The following CDC5L variants were observed in gnomAD, a reference collection of about 807,000 sequenced individuals.
The protein encoded by CDC5L is cell division cycle 5-like protein.
In CDC5L, 18 loss-of-function variants were observed where a neutral mutation model predicts 104.1. The observed-to-expected ratio is 0.17, with a 90% CI of 0.12 to 0.26. CDC5L has a LOEUF of 0.26. Ranked by LOEUF, CDC5L falls within the 10% of genes least tolerant of loss-of-function variation. The pLI is 1.00. For synonymous variants in CDC5L, 331 were observed against 322.7 expected, an observed-to-expected ratio of 1.03 and a Z score of -0.28; for missense variants, 673 against 956.9, an observed-to-expected ratio of 0.70 and a Z score of 3.91.
chr6:44,448,003 AG>A lies in CDC5L; in HGVS notation c.*1293del, dbSNP rs1374019130. 1 of 152,218 alleles carries A rather than the reference AG, an allele frequency of 6.6e-6. No individual in the cohort carries two copies. Among genetic ancestry groups the A allele is most frequent in the Non-Finnish European group, 1.5e-5 (1 of 68,062 alleles). The allele number at this position is 152,218 out of a possible 1,614,324, so 9.4% of individuals were successfully genotyped here. On this transcript the variant is annotated 3_prime_UTR_variant, in exon 16 of 16. Transcript: ENST00000371477. ...TGGCTATTTTAGACTGGACGATCAAAGAGACCTCTTGGAAGGCAGCTATGCT... is the reference window on the plus strand; with the variant it reads ...TGGCTATTTTAGACTGGACGATCAAAAGACCTCTTGGAAGGCAGCTATGCT...
chr6:44,403,729 A>G, intron 5 of CDC5L, 80 bp from the exon 6 acceptor site: 1 of 945,144 alleles, frequency 1.1e-6, no homozygotes, highest in Non-Finnish European at 1.6e-6. Context: ...ATAAATAGAT[A>G]CTTTTTTTTT....
At chr6:44,390,447 C>T in intron 2 of CDC5L, 76 bp downstream of exon 2, 1 of 917,466 alleles carries the variant, frequency 1.1e-6, no homozygotes, top group South Asian at 1.5e-5. Flanking sequence ...CTCTGTGAAC[C>T]TTATCAAAGA....
At chr6:44,423,930 G>A (rs1209285668) in intron 10 of CDC5L, among the ~76,000 whole-genome samples, 1 of 151,882 alleles carries the variant, frequency 6.6e-6, no homozygotes, top group Non-Finnish European at 1.5e-5. Flanking sequence ...CTTTTTTTCT[G>A]CCCTGGCCTC....
chr6:44,426,351 A>T lies in CDC5L; in HGVS notation c.1651-131A>T. On this transcript the variant is annotated intron_variant, in intron 12 of 15. Transcript: ENST00000371477. The stretch of plus-strand genomic sequence containing the variant: ...AAAATGTTTCAGTAGTACCAGAAAG[A>T]ATTTAGAAGGAAAAAAATGGAAATT... The T allele has an allele frequency of 1.7e-5, 13 of 775,462 alleles. No individual in the cohort carries two copies. In the South Asian group the frequency reaches 2.5e-4, roughly 15 times the overall value. The allele number at this position is 775,462 out of a possible 1,614,324, so 48.0% of individuals were successfully genotyped here.
At chr6:44,403,760 C>A in intron 5 of CDC5L, 49 bp from the exon 6 acceptor site, 1 of 1,274,482 alleles carries the variant, frequency 7.8e-7, no homozygotes, top group South Asian at 1.3e-5. Context: ...GATAATTTAT[C>A]CCTGTCACAT....
intron 5 of CDC5L, among the ~76,000 whole-genome samples, chr6:44,403,174 A>G (rs1791207591): frequency 6.6e-6 from 1 of 152,216 alleles, no homozygotes; most frequent in African/African-American, 2.4e-5. Context: ...ACAAAACAAA[A>G]AACTGAATGG....
chr6:44,403,789 T>C lies in CDC5L; in HGVS notation c.540-20T>C, dbSNP rs761522805. The C allele has an allele frequency of 1.3e-6, 2 of 1,552,962 alleles. No individual in the cohort carries two copies. Among genetic ancestry groups the C allele is most frequent in the Non-Finnish European group, 1.8e-6 (2 of 1,141,388 alleles). Reference sequence around the variant, plus strand: ...GTCACATGGCATATGATTTTCAAAGTGATTTTGCATTCTTTTCAGACGTCT... The same window carrying C: ...GTCACATGGCATATGATTTTCAAAGCGATTTTGCATTCTTTTCAGACGTCT... On this transcript the variant is annotated intron_variant, in intron 5 of 15. Transcript: ENST00000371477.
intron 8 of CDC5L, among the ~76,000 whole-genome samples, chr6:44,409,540 A>AT (rs1442805432): frequency 6.6e-6 from 1 of 152,246 alleles, no homozygotes; most frequent in Non-Finnish European, 1.5e-5. Flanking sequence ...AATCCATAGC[A>AT]TACCATTGTA....
intron 15 of CDC5L, 62 bp downstream of exon 15, chr6:44,445,929 C>G (rs967629685): frequency 8.0e-7 from 1 of 1,248,276 alleles, no homozygotes; most frequent in Non-Finnish European, 1.2e-6. Context: ...CAGGGCTGTC[C>G]TCTTTTACTT....
chr6:44,408,635 A>G lies in CDC5L; in HGVS notation c.1092+3A>G. On this transcript the variant is annotated splice_donor_region_variant and intron_variant, in intron 8 of 15. Coordinates refer to ENST00000371477, the MANE Select transcript of CDC5L (RefSeq NM_001253.4). ...CTTCCCAGGACAGAATTCTGCAGGT[A>G]ACGTGTCACGTAGTAGAATGAGGCT... 1.3e-6 allele frequency: 2 copies of G among 1,587,046 alleles called. No homozygotes were observed. The highest frequency in any genetic ancestry group is 1.3e-5 in the African/African-American group (1 of 74,384).
At chr6:44,397,298 T>C (rs11571935) in intron 5 of CDC5L, among the ~76,000 whole-genome samples, 2,411 of 152,334 alleles carry the variant, frequency 0.016, 66 homozygotes, top group African/African-American at 0.054. Context: ...TCACAATGTG[T>C]GCTTGTCTCC....
Position 44,408,451 on chromosome 6 carries a change from A to C in CDC5L, c.911A>C (p.Asp304Ala). ...ATAATTGTGTCCTTTTAGATTTCAG[A>C]TGCAGAACTCCAGGAAGTTGTAAAA... ...KLVLPAPQIS[D>A]AELQEVVKVG... is the part of the protein sequence containing the mutation. Residue 304 changes from aspartate (D) to alanine (A), a missense_variant, in exon 8 of 16, where the codon GAT becomes GCT. Around this residue, in one of 4 missense-constraint regions of CDC5L, gnomAD observed 578 missense variants for 737.0 expected, o/e 0.78. Transcript: ENST00000371477. 1 of 1,610,594 alleles carries C rather than the reference A, an allele frequency of 6.2e-7. No individual in the cohort carries two copies.
At chr6:44,394,102 A>T (rs1790742316) in intron 4 of CDC5L, among the ~76,000 whole-genome samples, 1 of 152,176 alleles carries the variant, frequency 6.6e-6, no homozygotes, top group Non-Finnish European at 1.5e-5. Context: ...TAAGTTAATT[A>T]AGTGTTACGG....
chr6:44,422,474 C>T (rs563275392), intron 9 of CDC5L, among the ~76,000 whole-genome samples, 173 bp from the exon 10 acceptor site: 4 of 151,908 alleles, frequency 2.6e-5, no homozygotes, highest in South Asian at 2.1e-4. Flanking sequence ...GCTAGCTAGA[C>T]CAAACATTGA....
At chr6:44,405,651 T>A (rs974011201) in intron 6 of CDC5L, among the ~76,000 whole-genome samples, 1 of 152,230 alleles carries the variant, frequency 6.6e-6, no homozygotes, top group African/African-American at 2.4e-5. Flanking sequence ...CCTTTTTACA[T>A]ACTTGTCATA....
chr6:44,429,975 C>T (rs1359336149), intron 14 of CDC5L, 65 bp downstream of exon 14: 2 of 1,262,108 alleles, frequency 1.6e-6, no homozygotes, highest in East Asian at 2.5e-5. Context: ...CTAAATAATG[C>T]CACTGGAGAC....
At position 44,447,189 on chromosome 6, in the gene CDC5L, G is replaced by A. The variant is rs906015673; in HGVS notation, c.*478G>A. 4 of 152,138 alleles carry A rather than the reference G, an allele frequency of 2.6e-5. No individual in the cohort carries two copies. Among genetic ancestry groups the A allele is most frequent in the Admixed American group, 2.6e-4 (4 of 15,266 alleles). 9.4% of individuals were successfully genotyped at this position (152,138 alleles called of 1,614,324 possible). On this transcript the variant is annotated 3_prime_UTR_variant, in exon 16 of 16. Transcript: ENST00000371477. The stretch of plus-strand genomic sequence containing the variant: ...TTAAACACTTAAGAGGCAGTTCTTT[G>A]TGGCTTTGTTAGTTTCAGCAAAGAG...
chr6:44,428,195 G>A (rs1792512990), intron 13 of CDC5L, among the ~76,000 whole-genome samples: 1 of 152,044 alleles, frequency 6.6e-6, no homozygotes, highest in South Asian at 2.1e-4. Context: ...TAAACTGTCA[G>A]ATTTTCTTTT....
intron 11 of CDC5L, 64 bp downstream of exon 11, chr6:44,424,647 A>G: frequency 4.0e-6 from 6 of 1,506,082 alleles, no homozygotes; most frequent in Non-Finnish European, 4.6e-6. Flanking sequence ...GGAAGAATGA[A>G]GAATAGCCAT....
Sources: gnomAD v4.1 joint callset for allele counts (sites outside exome capture counted in the v4.1 genomes callset) on GRCh38, gnomAD v4.1.1 for gene constraint, gnomAD v4.1.1 regional missense constraint, MANE v1.5 for transcripts, NCBI Gene and HGNC (gene_info 2026-07-23, HGNC 2026-07-21) for gene names.